FOXP2: variants seen among roughly 807,000 people sequenced by gnomAD.
The protein encoded by FOXP2 is forkhead box P2.
In FOXP2, 12 loss-of-function variants were observed where a neutral mutation model predicts 115.8. The observed-to-expected ratio is 0.10, with a 90% CI of 0.07 to 0.17. The LOEUF is 0.17. Ranked by LOEUF, FOXP2 falls within the 10% of genes least tolerant of loss-of-function variation. FOXP2 has a pLI of 1.00. For synonymous variants in FOXP2, 328 were observed against 297.7 expected (o/e 1.10, Z -1.05); for missense variants, 629 against 843.5 (o/e 0.75, Z 3.15).
At chr7:114,092,074 A>G (rs1250744348) in intron 1 of FOXP2, among the ~76,000 whole-genome samples, 2 of 152,086 alleles carry the variant, frequency 1.3e-5, no homozygotes, top group Non-Finnish European at 2.9e-5. Context: ...GAGTGAATAC[A>G]GTTTAAATGT....
At chr7:114,635,844 A>G (rs1805190535) in intron 6 of FOXP2, among the ~76,000 whole-genome samples, 1 of 152,168 alleles carries the variant, frequency 6.6e-6, no homozygotes, top group Non-Finnish European at 1.5e-5. Flanking sequence ...AGGAAACATC[A>G]TTGGTTTTGT....
intron 2 of FOXP2, among the ~76,000 whole-genome samples, chr7:114,428,675 C>G (rs1019702467): frequency 1.3e-5 from 2 of 151,254 alleles, no homozygotes; most frequent in Non-Finnish European, 3.0e-5. Context: ...TAGTTAGGTA[C>G]CTAAGGTTAC....
At chr7:114,193,205 G>A (rs1376838763) in intron 1 of FOXP2, among the ~76,000 whole-genome samples, 2 of 151,984 alleles carry the variant, frequency 1.3e-5, no homozygotes, top group Non-Finnish European at 2.9e-5. Context: ...TAAATTCACA[G>A]ACATTTATAT....
intron 2 of FOXP2, among the ~76,000 whole-genome samples, chr7:114,491,891 G>T (rs1797074552): frequency 6.6e-6 from 1 of 152,070 alleles, no homozygotes; most frequent in Non-Finnish European, 1.5e-5. Flanking sequence ...TTGTATCTCT[G>T]CCAGGCTTTG....
chr7:114,563,387 T>C (rs1800848208), intron 3 of FOXP2, among the ~76,000 whole-genome samples: 1 of 152,322 alleles, frequency 6.6e-6, no homozygotes, highest in East Asian at 1.9e-4. Flanking sequence ...TGTTGTCTTT[T>C]CCCCATCTCC....
intron 3 of FOXP2, among the ~76,000 whole-genome samples, chr7:114,544,626 T>C (rs1304805940): frequency 7.2e-5 from 11 of 152,202 alleles, no homozygotes; most frequent in Non-Finnish European, 7.3e-5. Context: ...AAGGAACACA[T>C]TGAACATTAT....
chr7:114,617,989 T>G (rs1804040708), intron 3 of FOXP2, among the ~76,000 whole-genome samples: 1 of 152,214 alleles, frequency 6.6e-6, no homozygotes, highest in Admixed American at 6.5e-5. Context: ...TTCACACTTT[T>G]GCCTAGGGAA....
intron 16 of FOXP2, among the ~76,000 whole-genome samples, chr7:114,680,539 C>A (rs1409691184): frequency 6.6e-6 from 1 of 152,114 alleles, no homozygotes; most frequent in Non-Finnish European, 1.5e-5. Flanking sequence ...TGTAATAATA[C>A]AAGTACTTGG....
intron 3 of FOXP2, among the ~76,000 whole-genome samples, chr7:114,579,552 T>A (rs1801733659): frequency 1.3e-5 from 2 of 152,200 alleles, no homozygotes; most frequent in South Asian, 4.2e-4. Context: ...CATACCATAT[T>A]CCATTTTTTT....
chr7:114,591,948 G>A (rs1340369423), intron 3 of FOXP2, among the ~76,000 whole-genome samples: 1 of 151,968 alleles, frequency 6.6e-6, no homozygotes, highest in Non-Finnish European at 1.5e-5. Flanking sequence ...GGAACTTAAT[G>A]TTCACTTTCA....
At chr7:114,250,623 A>C (rs111829062) in intron 1 of FOXP2, among the ~76,000 whole-genome samples, 11,581 of 151,854 alleles carry the variant, frequency 0.076, 1,055 homozygotes, top group African/African-American at 0.22. Context: ...CATAAATAAC[A>C]TTTGCCCACT....
intron 2 of FOXP2, among the ~76,000 whole-genome samples, chr7:114,523,489 AG>A (rs1397889459): frequency 6.6e-6 from 1 of 152,094 alleles, no homozygotes; most frequent in African/African-American, 2.4e-5. Context: ...GATCTGCGGT[AG>A]CATTTCCTTG....
At chr7:114,688,246 C>T (rs1218583556) in intron 16 of FOXP2, among the ~76,000 whole-genome samples, 2 of 76,936 alleles carry the variant, frequency 2.6e-5, no homozygotes, top group Non-Finnish European at 4.0e-5. Flanking sequence ...CACACACACA[C>T]ATCTTTTTTT....
Position 114,683,578 on chromosome 7 carries a change from G to T in FOXP2, c.2004-6204G>T, listed in dbSNP as rs190315441. ...AGAATGACCAAAAAATGCTTTGAAG[G>T]TTCAGAGTAGATCAATGAAATGTGG... On this transcript the variant is annotated intron_variant, in intron 16 of 16. Coordinates refer to ENST00000350908, the MANE Select transcript of FOXP2 (RefSeq NM_014491.4). Among the ~76,000 whole-genome samples, 40 of 152,290 alleles carry T rather than the reference G, an allele frequency of 2.6e-4. No individual in the cohort carries two copies. In the East Asian group the frequency reaches 6.9e-3, roughly 26 times the overall value.
At chr7:114,126,374 AC>A (rs1791709702) in intron 1 of FOXP2, among the ~76,000 whole-genome samples, 1 of 152,188 alleles carries the variant, frequency 6.6e-6, no homozygotes, top group Non-Finnish European at 1.5e-5. Context: ...ATGTATAGTT[AC>A]AGTGGGATTA....
intron 3 of FOXP2, among the ~76,000 whole-genome samples, chr7:114,544,828 C>T (rs779554976): frequency 7.9e-5 from 12 of 152,178 alleles, no homozygotes; most frequent in Non-Finnish European, 1.6e-4. Context: ...TATAGTTTCT[C>T]AAAATCATGG....
At chr7:114,543,503 C>A (rs1434216088) in intron 3 of FOXP2, among the ~76,000 whole-genome samples, 1 of 151,968 alleles carries the variant, frequency 6.6e-6, no homozygotes, top group Non-Finnish European at 1.5e-5. Flanking sequence ...TTAAAAATTT[C>A]AATAAAATTT....
chr7:114,172,515 T>TGGTA (rs1422216563), intron 1 of FOXP2, among the ~76,000 whole-genome samples: 1 of 152,148 alleles, frequency 6.6e-6, no homozygotes, highest in Non-Finnish European at 1.5e-5. Flanking sequence ...CTTTAGTTAA[T>TGGTA]GGTAATGTAT....
chr7:114,467,945 T>C (rs1384035397), intron 2 of FOXP2, among the ~76,000 whole-genome samples: 1 of 152,146 alleles, frequency 6.6e-6, no homozygotes, highest in Non-Finnish European at 1.5e-5. Context: ...TCTCTTTTTT[T>C]GCCCATTCAT....
Sources: allele counts gnomAD v4.1 joint callset (sites outside exome capture counted in the v4.1 genomes callset), GRCh38; gene constraint gnomAD v4.1.1; transcripts MANE v1.5; gene names NCBI Gene and HGNC (gene_info 2026-07-23, HGNC 2026-07-21).